The following BSN variants were observed in gnomAD, a reference collection of about 807,000 sequenced individuals.
BSN encodes bassoon presynaptic cytomatrix protein.
A neutral mutation model predicts 264.8 loss-of-function variants in BSN; 57 were observed. The ratio of observed to expected loss-of-function variants is 0.22; its 90% CI spans 0.17 to 0.27. The LOEUF is 0.27. Among genes scored for constraint, BSN ranks in the 10% least tolerant of loss-of-function variants. BSN has a pLI of 1.00. For missense variants in BSN, 4,615 were observed against 5,232.5 expected, an observed-to-expected ratio of 0.88 and a Z score of 3.64; for synonymous variants, 2,059 against 2,137.3, an observed-to-expected ratio of 0.96 and a Z score of 1.01.
chr3:49,661,005 C>A lies in BSN; in HGVS notation c.9160C>A (p.Pro3054Thr). 6.2e-7 allele frequency: 1 copy of A among 1,611,168 alleles called. No individual in the cohort carries two copies. The highest frequency in any genetic ancestry group is 8.5e-7 in the Non-Finnish European group (1 of 1,179,904). ...TPSGPTAFQQ[P>T]RFQPPAPQYS... ...CTCTGGTCCCACTGCCTTCCAGCAG[C>A]CCCGCTTCCAGCCTCCAGCCCCACA... is the stretch of plus-strand genomic sequence containing the variant. Residue 3054 changes from proline to threonine, a missense_variant, in exon 6 of 12, where the codon CCC (proline) becomes ACC (threonine). By Grantham distance (38) the Pro-to-Thr change is conservative. This residue lies in a region of BSN where 3,415 missense variants were observed against 3,866.4 expected (regional missense o/e 0.88). Coordinates refer to ENST00000296452, the MANE Select transcript of BSN (RefSeq NM_003458.4).
At position 49,660,788 on chromosome 3, in the gene BSN, G is replaced by T; in HGVS notation, c.8943G>T (p.Leu2981Phe). The part of the protein sequence containing the change: ...EIDAKLKYLE[L>F]GITQRKESLA... ...ACGCCAAGCTCAAGTACCTGGAGTTGGGTATCACACAACGCAAAGAGTCTT... is the reference window on the plus strand; with the variant it reads ...ACGCCAAGCTCAAGTACCTGGAGTTTGGTATCACACAACGCAAAGAGTCTT... Residue 2981 changes from leucine to phenylalanine, a missense_variant, in exon 6 of 12, where the codon TTG becomes TTT. By Grantham distance (22) the Leu-to-Phe change is conservative (BLOSUM62 0). Around this residue, in one of 3 missense-constraint regions of BSN, gnomAD observed 3,415 missense variants for 3,866.4 expected, o/e 0.88. Transcript: ENST00000296452. This position sits in a 1 kb window ranked among gnomAD's most constrained non-coding sequence, Gnocchi z 7.1. 1.2e-6 allele frequency: 2 copies of T among 1,613,186 alleles called. No individual in the cohort carries two copies. Among genetic ancestry groups the T allele is most frequent in the Admixed American group, 3.3e-5 (2 of 60,018 alleles).
rs2052536380 is a variant in BSN, at chr3:49,650,872, C to T, written c.1779C>T (p.Leu593=). ...AGGCCAGCCCCCAGGCCAAGCCCCTCAGGGCTTCTGAACCCAGCAAGACCC... is the reference window on the plus strand; with the variant it reads ...AGGCCAGCCCCCAGGCCAAGCCCCTTAGGGCTTCTGAACCCAGCAAGACCC... ...PSKASPQAKP[L]RASEPSKTPS... The change falls in exon 4 of 12, where the codon CTC becomes CTT. Residue 593 remains leucine, a synonymous_variant. Transcript: ENST00000296452. The T allele has an allele frequency of 1.9e-6, 3 of 1,614,092 alleles. No individual in the cohort carries two copies. Among genetic ancestry groups the T allele is most frequent in the Non-Finnish European group, 2.5e-6 (3 of 1,180,046 alleles).
At chr3:49,608,771 T>C (rs1422412779) in intron 1 of BSN, among the ~76,000 whole-genome samples, 1 of 149,376 alleles carries the variant, frequency 6.7e-6, no homozygotes, top group Admixed American at 6.8e-5. Context: ...GAGGTTGCAG[T>C]GAGCCGAGAT....
At chr3:49,658,336 G>C (rs1192324047) in intron 5 of BSN, 140 bp downstream of exon 5, 2 of 1,060,920 alleles carry the variant, frequency 1.9e-6, no homozygotes, top group African/African-American at 3.2e-5. Context: ...TCAATGAGCA[G>C]ATGCTCCCTG....
At chr3:49,596,655 T>G (rs546790339) in intron 1 of BSN, among the ~76,000 whole-genome samples, 1 of 152,176 alleles carries the variant, frequency 6.6e-6, no homozygotes, top group South Asian at 2.1e-4. Flanking sequence ...CATGCCTGGC[T>G]TTTTTGAAAA....
At chr3:49,597,728 C>T (rs1021797132) in intron 1 of BSN, among the ~76,000 whole-genome samples, 7 of 152,078 alleles carry the variant, frequency 4.6e-5, no homozygotes, top group Middle Eastern at 3.2e-3. Flanking sequence ...CTGCAAACTC[C>T]GCCTTCTGGG....
chr3:49,662,976 C>T lies in BSN; in HGVS notation c.10818C>T (p.Ser3606=), dbSNP rs2052674966. The change falls in exon 7 of 12, where the codon TCC becomes TCT. Residue 3606 remains serine (S), a synonymous_variant. Coordinates refer to ENST00000296452, the MANE Select transcript of BSN (RefSeq NM_003458.4). ...RHHGGHAVSS[S]SQKRGPARHS... ...ACGGGGGCCATGCAGTTTCCTCCTC[C>T]TCCCAGAAGCGAGGCCCTGCCAGGC... 2 of 1,614,038 alleles carry T rather than the reference C, an allele frequency of 1.2e-6. No homozygotes were observed. Among genetic ancestry groups the T allele is most frequent in the African/African-American group, 1.3e-5 (1 of 74,946 alleles).
chr3:49,560,694 T>G (rs1315723150), intron 1 of BSN, among the ~76,000 whole-genome samples: 2 of 152,180 alleles, frequency 1.3e-5, no homozygotes, highest in African/African-American at 4.8e-5. Context: ...TTGCCCGAGC[T>G]CCTTTTCTGG....
Position 49,651,372 on chromosome 3 carries a change from T to TG in BSN, c.1987-169dup. ...ACCAAGGGCTGGTTTGGGCTTGCCATGGAACCTTCAGGTTATTCAAGGCCA... is the reference window on the plus strand; with the variant it reads ...ACCAAGGGCTGGTTTGGGCTTGCCATGGGAACCTTCAGGTTATTCAAGGCCA... On this transcript the variant is annotated intron_variant, in intron 4 of 11. Coordinates refer to ENST00000296452, the MANE Select transcript of BSN (RefSeq NM_003458.4). This position sits in a 1 kb window ranked among gnomAD's most constrained non-coding sequence, Gnocchi z 5.4. 1.3e-6 allele frequency: 1 copy of TG among 760,288 alleles called. No homozygotes were observed. The highest frequency in any genetic ancestry group is 2.0e-6 in the Non-Finnish European group (1 of 489,714). The allele number at this position is 760,288 out of a possible 1,614,324, so 47.1% of individuals were successfully genotyped here. A position where few individuals can be genotyped will look rare whatever the true frequency, so the allele number is the denominator to read the frequency against.
chr3:49,632,171 T>C (rs552666621), intron 2 of BSN, among the ~76,000 whole-genome samples: 8 of 152,110 alleles, frequency 5.3e-5, no homozygotes, highest in Non-Finnish European at 8.8e-5. Context: ...ATACAAAAAT[T>C]AACTCAAAAT....
At chr3:49,564,898 T>TG (rs1354786307) in intron 1 of BSN, among the ~76,000 whole-genome samples, 1 of 151,914 alleles carries the variant, frequency 6.6e-6, no homozygotes, top group Non-Finnish European at 1.5e-5. Context: ...GGCCTGTCTT[T>TG]GGGGTGCATT....
chr3:49,612,512 A>G (rs564559050), intron 1 of BSN, among the ~76,000 whole-genome samples: 2 of 152,346 alleles, frequency 1.3e-5, no homozygotes, highest in Admixed American at 1.3e-4. Flanking sequence ...GTCAGAGTCC[A>G]GAGGGCCAAA....
At chr3:49,636,065 T>A (rs1008103126) in intron 2 of BSN, among the ~76,000 whole-genome samples, 2 of 152,122 alleles carry the variant, frequency 1.3e-5, no homozygotes, top group Non-Finnish European at 2.9e-5. Context: ...TTATTTAAGG[T>A]TTCTCTTTTT....
chr3:49,577,439 G>A (rs1457630112), intron 1 of BSN, among the ~76,000 whole-genome samples: 1 of 152,202 alleles, frequency 6.6e-6, no homozygotes, highest in African/African-American at 2.4e-5. Flanking sequence ...GATTGTGAGA[G>A]CAGGGCTTGG....
intron 1 of BSN, among the ~76,000 whole-genome samples, chr3:49,591,868 A>G (rs1321652502): frequency 1.3e-5 from 2 of 152,282 alleles, no homozygotes; most frequent in Admixed American, 6.5e-5. Context: ...GATTACAGGC[A>G]TGAACCACCG....
At chr3:49,620,450 A>G (rs1415617124) in intron 1 of BSN, among the ~76,000 whole-genome samples, 1 of 151,788 alleles carries the variant, frequency 6.6e-6, no homozygotes, top group African/African-American at 2.4e-5. Flanking sequence ...CTAAAGAAAA[A>G]AAAAAGAAAA....
At chr3:49,579,269 A>ATGAG (rs1214858880) in intron 1 of BSN, among the ~76,000 whole-genome samples, 1 of 151,530 alleles carries the variant, frequency 6.6e-6, no homozygotes, top group African/African-American at 2.4e-5. Context: ...GATTACAGGC[A>ATGAG]TGAGCCACTG....
At position 49,661,379 on chromosome 3, in the gene BSN, C is replaced by A; in HGVS notation, c.9534C>A (p.Thr3178=). 1 of 1,614,034 alleles carries A rather than the reference C, an allele frequency of 6.2e-7. No homozygotes were observed. The highest frequency in any genetic ancestry group is 2.2e-5 in the East Asian group (1 of 44,882). ...CCATGTCTTCAGCCCCATCTGAAAC[C>A]AGCTACAGTGGCCCAGCAGTGAGCA... ...VVPMSSAPSE[T]SYSGPAVSSG... is the part of the protein sequence containing the mutation. Residue 3178 remains threonine (T), a synonymous_variant, in exon 6 of 12, where the codon ACC becomes ACA. Transcript: ENST00000296452.
Position 49,657,746 on chromosome 3 carries a change from C to G in BSN, c.8190C>G (p.Ala2730=). 6.5e-7 allele frequency: 1 copy of G among 1,548,300 alleles called. No individual in the cohort carries two copies. The highest frequency in any genetic ancestry group is 1.7e-4 in the Middle Eastern group (1 of 5,720). ...CAGATGGGCAGGCCCAGGGTGTAGCCGGGCCGCAGCTTGTAGGGCCAACTG... is the reference window on the plus strand; with the variant it reads ...CAGATGGGCAGGCCCAGGGTGTAGCGGGGCCGCAGCTTGTAGGGCCAACTG... The part of the protein sequence containing the change: ...TEPDGQAQGV[A]GPQLVGPTAI... Residue 2730 remains alanine, a synonymous_variant, in exon 5 of 12, where the codon GCC becomes GCG. Coordinates refer to ENST00000296452, the MANE Select transcript of BSN (RefSeq NM_003458.4).
Sources: allele counts gnomAD v4.1 joint callset (sites outside exome capture counted in the v4.1 genomes callset), GRCh38; gene constraint gnomAD v4.1.1; regional missense constraint gnomAD v4.1.1; non-coding constraint Gnocchi (gnomAD v3.1); transcripts MANE v1.5; gene names NCBI Gene and HGNC (gene_info 2026-07-23, HGNC 2026-07-21).